ARSD: variants seen among roughly 807,000 people sequenced by gnomAD.
ARSD encodes arylsulfatase D.
ARSD carries 21 observed loss-of-function variants against 32.6 expected under a neutral mutation model. The ratio of observed to expected loss-of-function variants is 0.64; its 90% CI spans 0.46 to 0.93. ARSD has a LOEUF of 0.93. ARSD is among the 40% of genes least tolerant of loss of function. ARSD has a pLI of 0.00. For missense variants in ARSD, 454 were observed against 520.9 expected, an observed-to-expected ratio of 0.87 and a Z score of 1.25; for synonymous variants, 224 against 237.4, an observed-to-expected ratio of 0.94 and a Z score of 0.52.
chrX:2,927,453 G>A (rs773211897), intron 1 of ARSD, among the ~76,000 whole-genome samples: 4 of 109,524 alleles, frequency 3.7e-5, no homozygotes, highest in South Asian at 8.0e-4. Flanking sequence ...GTAGAGGCCC[G>A]GCCTAATTTT....
At chrX:2,921,333 C>T (rs1309658940) in intron 3 of ARSD, among the ~76,000 whole-genome samples, 7 of 111,760 alleles carry the variant, frequency 6.3e-5, no homozygotes, top group African/African-American at 2.0e-4. Context: ...CTATCATTAT[C>T]TATCATCTGT....
intron 3 of ARSD, among the ~76,000 whole-genome samples, 164 bp from the exon 4 acceptor site, chrX:2,920,887 C>G (rs1214016159): frequency 8.9e-6 from 1 of 112,088 alleles, no homozygotes; most frequent in Non-Finnish European, 1.9e-5. Context: ...ATCTACCCAT[C>G]TATCGTCTGT....
intron 8 of ARSD, among the ~76,000 whole-genome samples, chrX:2,909,163 C>T (rs1040404848): frequency 9.1e-6 from 1 of 110,137 alleles, no homozygotes; most frequent in African/African-American, 3.3e-5. Flanking sequence ...TCCAGCTGGA[C>T]AGCCCACATT....
At chrX:2,923,285 G>C (rs763718656) in intron 2 of ARSD, 32 of 242,283 alleles carry the variant, frequency 1.3e-4, no homozygotes, top group South Asian at 1.3e-3. Flanking sequence ...ACAAGCCTTG[G>C]CAACATAGTG....
chrX:2,921,659 C>T (rs1302816688), intron 3 of ARSD, among the ~76,000 whole-genome samples: 2 of 112,560 alleles, frequency 1.8e-5, no homozygotes, highest in South Asian at 3.6e-4. Flanking sequence ...CATACTGGCT[C>T]GGAATAAACC....
At position 2,910,651 on chromosome X, in the gene ARSD, C is replaced by CA; in HGVS notation, c.1135+7dup. 1 of 1,211,890 alleles carries CA rather than the reference C, an allele frequency of 8.3e-7. No homozygotes were observed. Among genetic ancestry groups the CA allele is most frequent in the Non-Finnish European group, 1.1e-6 (1 of 895,476 alleles). ...AATGCATATGTGTCCCCGATGTCCA[C>CA]AACTCACCTTTGTAAATTCCGTTCC... On this transcript the variant is annotated splice_region_variant and intron_variant, in intron 7 of 9. Coordinates refer to ENST00000381154, the MANE Select transcript of ARSD (RefSeq NM_001669.4).
At chrX:2,915,437 GA>G in intron 6 of ARSD, 118 bp downstream of exon 6, 1 of 1,053,072 alleles carries the variant, frequency 9.5e-7, no homozygotes, top group Non-Finnish European at 1.3e-6. Context: ...TTACAGGCGT[GA>G]GCCACCGCCC....
chrX:2,904,899 GTTTC>G lies in ARSD; in HGVS notation c.*2368_*2371del, dbSNP rs946020079. The G allele has an allele frequency of 5.8e-5, 15 of 257,107 alleles. No individual in the cohort carries two copies. The highest frequency in any genetic ancestry group is 9.2e-5 in the Non-Finnish European group (13 of 141,184). The allele number at this position is 257,107 out of a possible 1,213,427, so 21.2% of individuals were successfully genotyped here. A position where few individuals can be genotyped will look rare whatever the true frequency, so the allele number is the denominator to read the frequency against. ...TCCCCGTGTCCCATGCTCCATAGAT[GTTTC>G]TTTTTTTTTTTTTTTTTAATCATTT... On this transcript the variant is annotated 3_prime_UTR_variant, in exon 10 of 10. Coordinates refer to ENST00000381154, the MANE Select transcript of ARSD (RefSeq NM_001669.4).
intron 5 of ARSD, among the ~76,000 whole-genome samples, chrX:2,917,601 G>A (rs1199062874): frequency 9.0e-6 from 1 of 110,750 alleles, no homozygotes; most frequent in Non-Finnish European, 1.9e-5. Context: ...AGCCTCCTGA[G>A]TAGCTGGCAT....
chrX:2,921,329 TTATC>T (rs1394687725), intron 3 of ARSD, among the ~76,000 whole-genome samples: 65 of 112,140 alleles, frequency 5.8e-4, no homozygotes, highest in African/African-American at 2.0e-3. Context: ...TCAGCTATCA[TTATC>T]TATCATCTGT....
At chrX:2,914,938 A>C (rs1283828054) in intron 6 of ARSD, among the ~76,000 whole-genome samples, 1 of 111,351 alleles carries the variant, frequency 9.0e-6, no homozygotes, top group Non-Finnish European at 1.9e-5. Flanking sequence ...ACAGCAGTGC[A>C]ATCTCAGTTC....
chrX:2,928,652 C>T (rs1405866309), intron 1 of ARSD, among the ~76,000 whole-genome samples: 1 of 72,838 alleles, frequency 1.4e-5, no homozygotes, highest in Non-Finnish European at 2.5e-5. Context: ...GGAACACGGC[C>T]GTGCTGGAAG....
chrX:2,919,085 C>T (rs1307605871), intron 4 of ARSD, among the ~76,000 whole-genome samples: 1 of 108,795 alleles, frequency 9.2e-6, no homozygotes, highest in Non-Finnish European at 1.9e-5. Flanking sequence ...CCACTGCACT[C>T]CAGTGTAGGG....
At chrX:2,914,429 G>GC (rs2088933462) in intron 6 of ARSD, 1 of 490,899 alleles carries the variant, frequency 2.0e-6, no homozygotes. Context: ...GGGGGGGGGG[G>GC]GCGTCTCACT....
At chrX:2,911,964 T>C (rs1314613518) in intron 6 of ARSD, among the ~76,000 whole-genome samples, 1 of 111,459 alleles carries the variant, frequency 9.0e-6, no homozygotes, top group Non-Finnish European at 1.9e-5. Context: ...GGTGAAACCC[T>C]GTCTCTACAA....
chrX:2,909,959 A>G lies in ARSD; in HGVS notation c.1156T>C (p.Trp386Arg). Residue 386 changes from tryptophan to arginine, a missense_variant, in exon 8 of 10, where the codon TGG becomes CGG. Transcript: ENST00000381154. ...IYKGGKGMGG[W>R]EGGIRVPGIF... ...CCGGGCACGCGGATCCCACCTTCCC[A>G]TCCTCCCATGCCCTTCCCACCTGTA... is the stretch of plus-strand genomic sequence containing the variant. The G allele has an allele frequency of 5.0e-6, 6 of 1,210,497 alleles. No individual in the cohort carries two copies. The highest frequency in any genetic ancestry group is 6.7e-6 in the Non-Finnish European group (6 of 895,181).
At chrX:2,921,573 A>G (rs1391110889) in intron 3 of ARSD, among the ~76,000 whole-genome samples, 1 of 111,792 alleles carries the variant, frequency 8.9e-6, no homozygotes, top group Non-Finnish European at 1.9e-5. Flanking sequence ...ATCATCTATC[A>G]TCTATCTATA....
Position 2,918,005 on chromosome X carries a change from C to T in ARSD, c.662G>A (p.Gly221Asp). 8.3e-7 allele frequency: 1 copy of T among 1,208,573 alleles called. No individual in the cohort carries two copies. The change falls in exon 5 of 10, where the codon GGT becomes GAT. Residue 221 changes from glycine (G) to aspartate (D), a missense_variant. Physicochemically the swap from Gly to Asp is moderately conservative, Grantham distance 94. Coordinates refer to ENST00000381154, the MANE Select transcript of ARSD (RefSeq NM_001669.4). ...TGCTCTCGCGGAGACAGAGAAGAAA[C>T]CGCAGGTCTGGCCGGCAGCCAGGGT... ...ILTLAAGQTC[G>D]FFSVSARAVT...
At chrX:2,928,660 A>T in intron 1 of ARSD, among the ~76,000 whole-genome samples, 1 of 51,818 alleles carries the variant, frequency 1.9e-5, no homozygotes, top group Non-Finnish European at 3.7e-5. Flanking sequence ...GCCGTGCTGG[A>T]AGGCATCGAG....
Sources: gnomAD v4.1 joint callset for allele counts (sites outside exome capture counted in the v4.1 genomes callset) on GRCh38, gnomAD v4.1.1 for gene constraint, MANE v1.5 for transcripts, NCBI Gene and HGNC (gene_info 2026-07-23, HGNC 2026-07-21) for gene names.